LYN: variants seen among roughly 807,000 people sequenced by gnomAD.
The protein encoded by LYN is LYN proto-oncogene, Src family tyrosine kinase.
Under a neutral mutation model 65.0 loss-of-function variants are expected in LYN, and 12 were observed. The ratio of observed to expected loss-of-function variants is 0.18; its 90% confidence interval spans 0.12 to 0.30. The LOEUF (loss-of-function observed/expected upper bound fraction) is 0.30. Among genes scored for constraint, LYN ranks in the 10% least tolerant of loss-of-function variants. The pLI is 1.00. For synonymous variants in LYN, 222 were observed against 221.2 expected (o/e 1.00, Z -0.03); for missense variants, 380 against 623.2 (o/e 0.61, Z 4.16).
chr8:55,984,964 A>G (rs1808035409), intron 10 of LYN, among the ~76,000 whole-genome samples: 1 of 152,208 alleles, frequency 6.6e-6, no homozygotes, highest in African/African-American at 2.4e-5. Context: ...TAAAATCTGC[A>G]GGTGTCTAGG....
chr8:55,945,129 A>G (rs530489449), intron 2 of LYN, among the ~76,000 whole-genome samples: 9 of 152,216 alleles, frequency 5.9e-5, no homozygotes, highest in Non-Finnish European at 1.0e-4. Flanking sequence ...GGTTGATGCA[A>G]ATTCAACAAC....
At chr8:55,964,146 G>T (rs543866820) in intron 8 of LYN, among the ~76,000 whole-genome samples, 10 of 151,962 alleles carry the variant, frequency 6.6e-5, no homozygotes, top group African/African-American at 1.9e-4. Flanking sequence ...GACCTAGGAT[G>T]GTTTTTTTTT....
chr8:55,883,944 C>T (rs1317751342), intron 1 of LYN, among the ~76,000 whole-genome samples: 15 of 152,098 alleles, frequency 9.9e-5, no homozygotes, highest in Admixed American at 9.8e-4. Context: ...ACTTTAAGTT[C>T]ACTCCATTAT....
Position 55,952,097 on chromosome 8 carries a change from A to C in LYN, c.619A>C (p.Met207Leu). 1 of 1,589,270 alleles carries C rather than the reference A, an allele frequency of 6.3e-7. No homozygotes were observed. Among genetic ancestry groups the C allele is most frequent in the Non-Finnish European group, 8.5e-7 (1 of 1,172,982 alleles). Reference sequence around the variant, plus strand: ...AATCACTTTTCCCTGTATCAGCGACATGATTAAACATTACCAAAGTAAGTA... The same window carrying C: ...AATCACTTTTCCCTGTATCAGCGACCTGATTAAACATTACCAAAGTAAGTA... The part of the protein sequence containing the change: ...PRITFPCISD[M>L]IKHYQKQADG... The change falls in exon 7 of 13, where the codon ATG (methionine) becomes CTG (leucine). Residue 207 changes from methionine (M) to leucine (L), a missense_variant. By Grantham distance (15) the Met-to-Leu change is conservative. Coordinates refer to ENST00000519728, the MANE Select transcript of LYN (RefSeq NM_002350.4).
At chr8:55,903,082 C>T (rs533543074) in intron 1 of LYN, among the ~76,000 whole-genome samples, 49 of 152,246 alleles carry the variant, frequency 3.2e-4, no homozygotes, top group Non-Finnish European at 4.0e-4. Context: ...CTCCTGACTT[C>T]GCGATCCGCC....
chr8:55,890,870 G>A (rs1804939618), intron 1 of LYN, among the ~76,000 whole-genome samples: 1 of 151,936 alleles, frequency 6.6e-6, no homozygotes, highest in Non-Finnish European at 1.5e-5. Context: ...TGAGACTACA[G>A]GTGCATGCCA....
chr8:55,934,836 C>T (rs1466135218), intron 1 of LYN, among the ~76,000 whole-genome samples: 1 of 152,170 alleles, frequency 6.6e-6, no homozygotes, highest in African/African-American at 2.4e-5. Flanking sequence ...CTGGCAGGCA[C>T]CTTGGACACA....
At chr8:55,905,358 C>T (rs1805389896) in intron 1 of LYN, among the ~76,000 whole-genome samples, 1 of 151,958 alleles carries the variant, frequency 6.6e-6, no homozygotes, top group Non-Finnish European at 1.5e-5. Context: ...TTGCAGTGAG[C>T]CGATAGTGCC....
intron 7 of LYN, 51 bp downstream of exon 7, chr8:55,952,166 G>A: frequency 7.0e-7 from 1 of 1,437,030 alleles, no homozygotes; most frequent in African/African-American, 1.5e-5. Flanking sequence ...GTTATGATAT[G>A]TATAAGACGT....
chr8:55,983,687 G>A (rs1439389866), intron 10 of LYN, among the ~76,000 whole-genome samples: 2 of 152,080 alleles, frequency 1.3e-5, no homozygotes, highest in African/African-American at 4.8e-5. Context: ...ACTCCCTCAT[G>A]GCACGTTTTC....
intron 2 of LYN, among the ~76,000 whole-genome samples, chr8:55,945,552 C>T (rs1256791778): frequency 6.6e-6 from 1 of 152,184 alleles, no homozygotes; most frequent in Non-Finnish European, 1.5e-5. Context: ...TGTGAAGCCA[C>T]TTTAATCAAA....
At chr8:55,940,664 G>A (rs1170142795) in intron 1 of LYN, among the ~76,000 whole-genome samples, 2 of 152,182 alleles carry the variant, frequency 1.3e-5, no homozygotes, top group African/African-American at 4.8e-5. Context: ...CTGAGCCACC[G>A]CGCCCGGCTG....
chr8:55,950,647 A>T (rs118169544), intron 5 of LYN, 34 bp from the exon 6 acceptor site: 17,622 of 1,582,478 alleles, frequency 0.011, 176 homozygotes, highest in South Asian at 0.03. Context: ...GCCGTGGAAC[A>T]TAATATGCAG....
intron 1 of LYN, among the ~76,000 whole-genome samples, chr8:55,926,451 G>T (rs968528182): frequency 3.3e-5 from 5 of 152,184 alleles, no homozygotes; most frequent in African/African-American, 1.2e-4. Context: ...ATTTAACTGT[G>T]CATTTCTTTT....
At chr8:55,919,637 C>G (rs184814235) in intron 1 of LYN, among the ~76,000 whole-genome samples, 27 of 152,254 alleles carry the variant, frequency 1.8e-4, no homozygotes, top group Admixed American at 7.8e-4. Flanking sequence ...AAACCCATGC[C>G]CGTGGGAACA....
intron 1 of LYN, among the ~76,000 whole-genome samples, chr8:55,903,260 T>C (rs1339700743): frequency 1.3e-5 from 2 of 152,234 alleles, no homozygotes; most frequent in Non-Finnish European, 2.9e-5. Flanking sequence ...CCCAAAGTGC[T>C]GGGATTACAG....
rs188035479 is a variant in LYN at position 56,010,048 on chromosome 8, T to C, written c.1477T>C (p.Leu493=). Residue 493 remains leucine (L), a synonymous_variant, in exon 13 of 13, where the codon TTA becomes CTA. Coordinates refer to ENST00000519728, the MANE Select transcript of LYN (RefSeq NM_002350.4). The part of the protein sequence containing the change: ...KAEERPTFDY[L]QSVLDDFYTA... ...AGAAGAGAGACCAACGTTTGACTAC[T>C]TACAGAGCGTCCTGGATGATTTCTA... 1.2e-6 allele frequency: 2 copies of C among 1,614,110 alleles called. No homozygotes were observed. Among genetic ancestry groups the C allele is most frequent in the East Asian group, 4.5e-5 (2 of 44,874 alleles).
intron 9 of LYN, among the ~76,000 whole-genome samples, chr8:55,967,929 A>G (rs771605932): frequency 5.1e-4 from 77 of 152,240 alleles, no homozygotes; most frequent in Non-Finnish European, 9.8e-4. Flanking sequence ...TCCAGGATTA[A>G]CAATCATCTC....
chr8:56,007,999 A>G (rs1808716170), intron 12 of LYN, among the ~76,000 whole-genome samples: 3 of 151,838 alleles, frequency 2.0e-5, no homozygotes, highest in African/African-American at 4.8e-5. Flanking sequence ...GGCACCTGTA[A>G]TCCCAGCTAC....
Sources: gnomAD v4.1 joint callset for allele counts (sites outside exome capture counted in the v4.1 genomes callset) on GRCh38, gnomAD v4.1.1 for gene constraint, MANE v1.5 for transcripts, NCBI Gene and HGNC (gene_info 2026-07-23, HGNC 2026-07-21) for gene names.